The following ABLIM2 variants were observed in gnomAD, a reference collection of about 807,000 sequenced individuals.
ABLIM2 encodes actin binding LIM protein family member 2.
A neutral mutation model predicts 97.7 loss-of-function variants in ABLIM2; 53 were observed. The observed-to-expected ratio is 0.54, with a 90% CI of 0.44 to 0.68. ABLIM2 has a LOEUF of 0.68. Ranked by LOEUF, ABLIM2 falls within the 30% of genes least tolerant of loss-of-function variation. ABLIM2 has a pLI of 0.00. For synonymous variants in ABLIM2, 361 were observed against 345.8 expected (o/e 1.04, Z -0.49); for missense variants, 835 against 867.2 (o/e 0.96, Z 0.47).
intron 1 of ABLIM2, among the ~76,000 whole-genome samples, chr4:8,139,447 G>A (rs1195427794): frequency 6.6e-6 from 1 of 152,188 alleles, no homozygotes; most frequent in Non-Finnish European, 1.5e-5. Context: ...CAAAAGCCAT[G>A]AAGAGACACT....
At chr4:8,107,782 T>C (rs1838208376) in intron 1 of ABLIM2, among the ~76,000 whole-genome samples, 1 of 152,176 alleles carries the variant, frequency 6.6e-6, no homozygotes, top group African/African-American at 2.4e-5. Flanking sequence ...GTGACTAAGT[T>C]AAGGGCTTCG....
intron 2 of ABLIM2, among the ~76,000 whole-genome samples, chr4:8,100,093 TG>T (rs1004113198): frequency 6.6e-6 from 1 of 152,116 alleles, no homozygotes; most frequent in Admixed American, 6.6e-5. Context: ...GGGTGGCGGC[TG>T]GGGGGAAAAG....
At chr4:8,079,929 G>A (rs185726389) in intron 5 of ABLIM2, among the ~76,000 whole-genome samples, 3 of 152,290 alleles carry the variant, frequency 2.0e-5, no homozygotes, top group Admixed American at 6.5e-5. Context: ...GGCCCTCTGC[G>A]CTCAGAGGAG....
rs753046353 is a variant in ABLIM2, at chr4:8,058,430, G to T, written c.763+2537C>A. On this transcript the variant is annotated intron_variant, in intron 7 of 20. Coordinates refer to ENST00000447017, the MANE Select transcript of ABLIM2 (RefSeq NM_001130083.2). This position sits in a 1 kb window ranked among gnomAD's most constrained non-coding sequence, Gnocchi z 4.2. ...GCCGCATGAGGTCATTCAACAGCCC[G>T]CAGGCACCTGCACGGCAGACGCTCT... 6.6e-6 allele frequency among the ~76,000 whole-genome samples: 1 copy of T among 152,218 alleles called. No individual in the cohort carries two copies. Among genetic ancestry groups the T allele is most frequent in the African/African-American group, 2.4e-5 (1 of 41,472 alleles).
Position 8,106,435 on chromosome 4 carries a change from G to T in ABLIM2, c.154+59C>A, listed in dbSNP as rs549592268. 1.4e-3 allele frequency: 2,183 copies of T among 1,555,354 alleles called. 2 individuals carry two copies. The highest frequency in any genetic ancestry group is 1.7e-3 in the Non-Finnish European group (1,983 of 1,149,392). On this transcript the variant is annotated intron_variant, in intron 2 of 20. Coordinates refer to ENST00000447017, the MANE Select transcript of ABLIM2 (RefSeq NM_001130083.2). ...TTCCCAGGAGGCTTTGCGGGCCCAGGATCGCCGCTGGGAGGCCCGTTTCAG... is the reference window on the plus strand; with the variant it reads ...TTCCCAGGAGGCTTTGCGGGCCCAGTATCGCCGCTGGGAGGCCCGTTTCAG...
At chr4:8,007,973 T>C in intron 16 of ABLIM2, 86 bp downstream of exon 16, 16 of 1,569,150 alleles carry the variant, frequency 1.0e-5, no homozygotes, top group African/African-American at 2.7e-5. Flanking sequence ...GGCTTAGATG[T>C]AGGGGGATAG....
At position 8,002,222 on chromosome 4, in the gene ABLIM2, G is replaced by A. The variant is rs758783707; in HGVS notation, c.1618+5837C>T. On this transcript the variant is annotated intron_variant, in intron 16 of 20. Coordinates refer to ENST00000447017, the MANE Select transcript of ABLIM2 (RefSeq NM_001130083.2). The surrounding 1 kb of genome is among the most constrained non-coding windows in gnomAD (Gnocchi z 6.1). The stretch of plus-strand genomic sequence containing the variant: ...TCCGTCTGCCCCCTGGCAACCCCCC[G>A]GACGTCTCAGGCTCTCCAAGCCAAC... Among the ~76,000 whole-genome samples, 2 of 152,044 alleles carry A rather than the reference G, an allele frequency of 1.3e-5. No individual in the cohort carries two copies. Among genetic ancestry groups the A allele is most frequent in the Non-Finnish European group, 2.9e-5 (2 of 68,012 alleles).
chr4:8,154,632 T>C (rs142815241), intron 1 of ABLIM2, among the ~76,000 whole-genome samples: 47 of 152,344 alleles, frequency 3.1e-4, no homozygotes, highest in African/African-American at 1.1e-3. Flanking sequence ...ATTCTTTACA[T>C]ATGTAGTTAA....
At chr4:8,152,010 G>T (rs868143738) in intron 1 of ABLIM2, among the ~76,000 whole-genome samples, 2 of 152,154 alleles carry the variant, frequency 1.3e-5, no homozygotes, top group African/African-American at 4.8e-5. Context: ...AGGCGGGTTT[G>T]GGTCTTGTCC....
At chr4:8,111,165 A>G (rs548695338) in intron 1 of ABLIM2, among the ~76,000 whole-genome samples, 1 of 152,360 alleles carries the variant, frequency 6.6e-6, no homozygotes, top group Admixed American at 6.5e-5. Flanking sequence ...ATTCACCAAC[A>G]AAAAGAAGCA....
Position 8,127,637 on chromosome 4 carries a change from A to C in ABLIM2, c.11-21000T>G. 2 of 1,288,136 alleles carry C rather than the reference A, an allele frequency of 1.6e-6. No individual in the cohort carries two copies. Among genetic ancestry groups the C allele is most frequent in the Non-Finnish European group, 2.0e-6 (2 of 987,710 alleles). The allele number at this position is 1,288,136 out of a possible 1,614,324, so 79.8% of individuals were successfully genotyped here. A position where few individuals can be genotyped will look rare whatever the true frequency, so the allele number is the denominator to read the frequency against. ...CTCCCTCTGCGTGGCTGGGCCTGGCACCCACGGAGGATCGGGCAGGAGTGG... is the reference window on the plus strand; with the variant it reads ...CTCCCTCTGCGTGGCTGGGCCTGGCCCCCACGGAGGATCGGGCAGGAGTGG... On this transcript the variant is annotated intron_variant, in intron 1 of 20. Coordinates refer to ENST00000447017, the MANE Select transcript of ABLIM2 (RefSeq NM_001130083.2). The surrounding 1 kb of genome is among the most constrained non-coding windows in gnomAD (Gnocchi z 7.3).
chr4:8,008,362 C>T (rs976970520), intron 15 of ABLIM2, among the ~76,000 whole-genome samples, 162 bp from the exon 16 acceptor site: 4 of 152,158 alleles, frequency 2.6e-5, no homozygotes, highest in Non-Finnish European at 5.9e-5. Flanking sequence ...AAAAATCTTG[C>T]CATTTAGTGA....
chr4:8,097,607 C>A (rs1370104941), intron 2 of ABLIM2, among the ~76,000 whole-genome samples: 1 of 152,208 alleles, frequency 6.6e-6, no homozygotes, highest in African/African-American at 2.4e-5. Flanking sequence ...GTGACCCCGC[C>A]AGGGATGGTC....
chr4:8,105,093 C>T (rs1298562241), intron 2 of ABLIM2, among the ~76,000 whole-genome samples: 1 of 152,146 alleles, frequency 6.6e-6, no homozygotes, highest in South Asian at 2.1e-4. Context: ...CCTCAGTGTC[C>T]CTCTTTCTGA....
intron 1 of ABLIM2, among the ~76,000 whole-genome samples, chr4:8,141,234 C>T (rs1487533386): frequency 2.0e-5 from 3 of 152,010 alleles, no homozygotes; most frequent in Non-Finnish European, 4.4e-5. Flanking sequence ...ATTCTGGAAT[C>T]ACTCTAAAGA....
intron 1 of ABLIM2, among the ~76,000 whole-genome samples, chr4:8,131,882 G>C (rs1001878010): frequency 4.2e-5 from 6 of 142,094 alleles, no homozygotes; most frequent in Non-Finnish European, 9.1e-5. Flanking sequence ...ACAGCAGCCC[G>C]CATCCCCTGC....
chr4:7,994,004 G>A, intron 16 of ABLIM2: 1 of 486,726 alleles, frequency 2.1e-6, no homozygotes, highest in African/African-American at 2.0e-5. Flanking sequence ...CAGAGGTGGT[G>A]TGGTTGCATT....
chr4:8,000,494 C>T (rs1042355916), intron 16 of ABLIM2, among the ~76,000 whole-genome samples: 4 of 152,058 alleles, frequency 2.6e-5, no homozygotes, highest in Admixed American at 6.5e-5. Flanking sequence ...GACTAGCGCC[C>T]GCATGCAGTG....
chr4:8,127,783 C>A lies in ABLIM2; in HGVS notation c.11-21146G>T. On this transcript the variant is annotated intron_variant, in intron 1 of 20. Coordinates refer to ENST00000447017, the MANE Select transcript of ABLIM2 (RefSeq NM_001130083.2). This position sits in a 1 kb window ranked among gnomAD's most constrained non-coding sequence, Gnocchi z 7.3. ...GGCACACTGAAATAGACTCCCGCCA[C>A]ACTATGCGCCAGAGACACACCTGTC... The A allele has an allele frequency of 1.1e-6, 1 of 910,710 alleles. No homozygotes were observed. The allele number at this position is 910,710 out of a possible 1,614,324, so 56.4% of individuals were successfully genotyped here.
Sources: allele counts gnomAD v4.1 joint callset (sites outside exome capture counted in the v4.1 genomes callset), GRCh38; gene constraint gnomAD v4.1.1; non-coding constraint Gnocchi (gnomAD v3.1); transcripts MANE v1.5; gene names NCBI Gene and HGNC (gene_info 2026-07-23, HGNC 2026-07-21).